Variants in SIRPG observed in about 807,000 individuals in gnomAD.
SIRPG encodes signal-regulatory protein gamma.
A neutral mutation model predicts 35.7 loss-of-function variants in SIRPG; 38 were observed. That is an observed-to-expected ratio of 1.06 (90% CI 0.82 to 1.40). The LOEUF (loss-of-function observed/expected upper bound fraction) is 1.40, where lower values mean the gene tolerates loss of function less well. Among genes scored for constraint, SIRPG ranks in the 40% most tolerant of loss-of-function variants. The probability of loss-of-function intolerance (pLI) is 0.00; values close to 1 mark genes in which losing one functional copy is unlikely to be tolerated. For synonymous variants in SIRPG, 215 were observed against 190.4 expected (o/e 1.13, Z -1.06); for missense variants, 519 against 483.0 (o/e 1.07, Z -0.70).
the SIRPG span, among the ~76,000 whole-genome samples, chr20:1,685,794 C>T: frequency 7.9e-5 from 12 of 152,160 alleles, no homozygotes; most frequent in Non-Finnish European, 1.6e-4. Flanking sequence ...CCCCGGGAAA[C>T]ATTGCTCCCC....
rs1421002880 is a variant in SIRPG, at chr20:1,635,519, A to G, written c.829T>C (p.Tyr277His). The G allele has an allele frequency of 1.2e-6, 2 of 1,614,132 alleles. No homozygotes were observed. The highest frequency in any genetic ancestry group is 1.7e-6 in the Non-Finnish European group (2 of 1,179,988). ...CAGGTCAGCTGTAGGCTCTGGGGGT[A>G]GAACTTCCTCACCTGGCAGGTGACG... The part of the protein sequence containing the change: ...VNVTCQVRKF[Y>H]PQSLQLTWSE... Residue 277 changes from tyrosine to histidine, a missense_variant, in exon 4 of 6, where the codon TAC becomes CAC. Coordinates refer to ENST00000303415, the MANE Select transcript of SIRPG (RefSeq NM_018556.4).
the SIRPG span, chr20:1,670,752 G>A: frequency 3.6e-4 from 68 of 190,166 alleles, no homozygotes; most frequent in Non-Finnish European, 5.7e-4. Context: ...ACATCTAGGT[G>A]CATGGAAGGT....
chr20:1,648,333 A>C (rs879912258), intron 2 of SIRPG: 2 of 152,330 alleles, frequency 1.3e-5, no homozygotes, highest in Non-Finnish European at 2.9e-5. Flanking sequence ...GGCTTCAAAT[A>C]GACCCACAGC....
At chr20:1,632,196 C>G (rs1363875654) in intron 4 of SIRPG, among the ~76,000 whole-genome samples, 2 of 152,124 alleles carry the variant, frequency 1.3e-5, no homozygotes, top group South Asian at 2.1e-4. Context: ...ACAATTGCAG[C>G]AGCATAGCTA....
At chr20:1,673,886 A>T in the SIRPG span, among the ~76,000 whole-genome samples, 1 of 152,220 alleles carries the variant, frequency 6.6e-6, no homozygotes, top group Non-Finnish European at 1.5e-5. Flanking sequence ...CTGTTTAAAC[A>T]CAAACTTGTT....
upstream of SIRPG, among the ~76,000 whole-genome samples, chr20:1,659,313 T>C (rs1430019205): frequency 6.6e-6 from 1 of 152,250 alleles, no homozygotes; most frequent in African/African-American, 2.4e-5. Flanking sequence ...CAAATCAAAT[T>C]GTAAATGTTA....
At chr20:1,658,857 A>G (rs532293679), upstream of SIRPG, among the ~76,000 whole-genome samples, 4 of 152,190 alleles carry the variant, frequency 2.6e-5, no homozygotes, top group Admixed American at 2.6e-4. Flanking sequence ...CCCAGCTTAT[A>G]TAGTGTATTT....
At chr20:1,683,648 A>G in the SIRPG span, among the ~76,000 whole-genome samples, 1 of 152,224 alleles carries the variant, frequency 6.6e-6, no homozygotes, top group Non-Finnish European at 1.5e-5. Flanking sequence ...CAAATACCAC[A>G]TGGTCTCACT....
the SIRPG span, among the ~76,000 whole-genome samples, chr20:1,674,465 T>A: frequency 1.2e-4 from 19 of 152,194 alleles, no homozygotes; most frequent in African/African-American, 4.6e-4. Flanking sequence ...AGTGTTATCA[T>A]CAACAGGTGC....
At chr20:1,660,021 G>GA (rs2091992078), upstream of SIRPG, among the ~76,000 whole-genome samples, 1 of 152,090 alleles carries the variant, frequency 6.6e-6, no homozygotes, top group Non-Finnish European at 1.5e-5. Flanking sequence ...GAGCAAATAT[G>GA]AAAAAACAAA....
Position 1,635,473 on chromosome 20 carries a change from C to T in SIRPG, c.875G>A (p.Cys292Tyr). Residue 292 changes from cysteine (C) to tyrosine (Y), a missense_variant, in exon 4 of 6, where the codon TGC (cysteine) becomes TAC (tyrosine). Transcript: ENST00000303415. ...AAGGGTCGAGGCTGTTTCTCTCTGG[C>T]ACACGTTTCCATTCTCCGACCAGGT... ...QLTWSENGNV[C>Y]QRETASTLTE... 1 of 1,614,134 alleles carries T rather than the reference C, an allele frequency of 6.2e-7. No homozygotes were observed. The highest frequency in any genetic ancestry group is 1.3e-5 in the African/African-American group (1 of 75,042).
intron 4 of SIRPG, among the ~76,000 whole-genome samples, chr20:1,634,936 G>C (rs957458890): frequency 4.0e-5 from 6 of 151,628 alleles, no homozygotes; most frequent in African/African-American, 7.3e-5. Context: ...CCAGCTACTC[G>C]GGAGGCTGAG....
At chr20:1,663,009 C>CT in the SIRPG span, among the ~76,000 whole-genome samples, 2 of 150,700 alleles carry the variant, frequency 1.3e-5, no homozygotes, top group African/African-American at 2.4e-5. Context: ...CAGGATTTGA[C>CT]TTTTCAAAAA....
the SIRPG span, among the ~76,000 whole-genome samples, chr20:1,680,718 A>G: frequency 8.5e-5 from 13 of 152,360 alleles, no homozygotes; most frequent in African/African-American, 2.6e-4. Flanking sequence ...ATGATTATCC[A>G]TTTGATGCAG....
chr20:1,679,065 C>T, the SIRPG span, among the ~76,000 whole-genome samples: 1 of 152,146 alleles, frequency 6.6e-6, no homozygotes, highest in Non-Finnish European at 1.5e-5. Flanking sequence ...GTGAATAGCA[C>T]GATGTCTCCA....
chr20:1,663,230 G>A, the SIRPG span, among the ~76,000 whole-genome samples: 2 of 152,250 alleles, frequency 1.3e-5, no homozygotes, highest in Middle Eastern at 3.4e-3. Context: ...GGAGAATGGC[G>A]TGAACCTGGG....
At position 1,629,168 on chromosome 20, in the gene SIRPG, T is replaced by A. The variant is rs1344788600; in HGVS notation, c.*471A>T. On this transcript the variant is annotated 3_prime_UTR_variant, in exon 6 of 6. Coordinates refer to ENST00000303415, the MANE Select transcript of SIRPG (RefSeq NM_018556.4). The stretch of plus-strand genomic sequence containing the variant: ...AGACAAAGAGGAAGGATAATCTTTT[T>A]ATTTTCTTAAAACCACTTTGGGAGT... 1 of 152,202 alleles carries A rather than the reference T, an allele frequency of 6.6e-6. No individual in the cohort carries two copies. The highest frequency in any genetic ancestry group is 1.5e-5 in the Non-Finnish European group (1 of 68,046). 9.4% of individuals were successfully genotyped at this position (152,202 alleles called of 1,614,324 possible). A position where few individuals can be genotyped will look rare whatever the true frequency, so the allele number is the denominator to read the frequency against.
rs1385794032 is a variant in SIRPG at position 1,649,094 on chromosome 20, C to T, written c.388G>A (p.Val130Met). 6.2e-6 allele frequency: 10 copies of T among 1,613,826 alleles called. No homozygotes were observed. Among genetic ancestry groups the T allele is most frequent in the South Asian group, 2.2e-5 (2 of 91,084 alleles). Residue 130 changes from valine (V) to methionine (M), a missense_variant, in exon 2 of 6, where the codon GTG (valine) becomes ATG (methionine). Transcript: ENST00000303415. Reference protein sequence around the residue: ...VKFRKGSPENVEFKSGPGTEM... With the variant: ...VKFRKGSPENMEFKSGPGTEM... Reference sequence around the variant, plus strand: ...GTGCCTGGTCCAGACTTAAACTCCACGTTCTCAGGGCTCCCTTTTCGAAAC... The same window carrying T: ...GTGCCTGGTCCAGACTTAAACTCCATGTTCTCAGGGCTCCCTTTTCGAAAC...
At chr20:1,677,769 T>A in the SIRPG span, among the ~76,000 whole-genome samples, 1 of 152,146 alleles carries the variant, frequency 6.6e-6, no homozygotes, top group Non-Finnish European at 1.5e-5. Context: ...CAGGGTGAAG[T>A]GCAGGGAGGT....
Sources: allele counts gnomAD v4.1 joint callset (sites outside exome capture counted in the v4.1 genomes callset), GRCh38; gene constraint gnomAD v4.1.1; transcripts MANE v1.5; gene names NCBI Gene and HGNC (gene_info 2026-07-23, HGNC 2026-07-21).